DGCR8: variants seen among roughly 807,000 people sequenced by gnomAD.
DGCR8 encodes the protein DGCR8 microprocessor complex subunit.
Under a neutral mutation model 78.5 loss-of-function variants are expected in DGCR8, and 14 were observed. The ratio of observed to expected loss-of-function variants is 0.18; its 90% CI spans 0.12 to 0.28. The LOEUF (loss-of-function observed/expected upper bound fraction) is 0.28. DGCR8 is among the 10% of genes least tolerant of loss of function. The pLI, the probability that DGCR8 is intolerant of heterozygous loss-of-function variation, is 1.00. For synonymous variants in DGCR8, 399 were observed against 402.4 expected, an observed-to-expected ratio of 0.99 and a Z score of 0.10; for missense variants, 702 against 1,022.5, an observed-to-expected ratio of 0.69 and a Z score of 4.28.
Position 20,110,114 on chromosome 22 carries a change from GTGGCACGGGCCA to G in DGCR8, c.*7_*18del, listed in dbSNP as rs1242417957. On this transcript the variant is annotated 3_prime_UTR_variant, in exon 14 of 14. Transcript: ENST00000351989. Reference sequence around the variant, plus strand: ...TGTGCACCGTGGACGTGTGAGGGAGGTGGCACGGGCCAGGGCGCGGGGGCCGCCAGCCGCACT... The same window carrying G: ...TGTGCACCGTGGACGTGTGAGGGAGGGGGCGCGGGGGCCGCCAGCCGCACT... 1.2e-6 allele frequency: 2 copies of G among 1,607,742 alleles called. No individual in the cohort carries two copies. Among genetic ancestry groups the G allele is most frequent in the African/African-American group, 2.7e-5 (2 of 74,954 alleles).
At chr22:20,094,019 A>G (rs2147926003) in intron 8 of DGCR8, among the ~76,000 whole-genome samples, 2 of 152,298 alleles carry the variant, frequency 1.3e-5, no homozygotes, top group South Asian at 4.1e-4. Flanking sequence ...TTGACAGATA[A>G]CTTGCAGTGG....
chr22:20,107,261 C>G lies in DGCR8; in HGVS notation c.1997-10C>G. 1 of 1,614,136 alleles carries G rather than the reference C, an allele frequency of 6.2e-7. No individual in the cohort carries two copies. Among genetic ancestry groups the G allele is most frequent in the Non-Finnish European group, 8.5e-7 (1 of 1,180,008 alleles). On this transcript the variant is annotated splice_polypyrimidine_tract_variant and intron_variant, in intron 11 of 13. Coordinates refer to ENST00000351989, the MANE Select transcript of DGCR8 (RefSeq NM_022720.7). The stretch of plus-strand genomic sequence containing the variant: ...GACCCCCTCTCCATGCTTGCTCTTT[C>G]TCTGTGTAGGTAAGAACAAGAGAGT...
At chr22:20,102,132 T>C (rs2049710358) in intron 9 of DGCR8, 2 of 936,358 alleles carry the variant, frequency 2.1e-6, no homozygotes. Context: ...AATTCACTTT[T>C]TGGTACAGTA....
At chr22:20,107,514 C>A in intron 12 of DGCR8, 116 bp downstream of exon 12, 1 of 1,336,454 alleles carries the variant, frequency 7.5e-7, no homozygotes, top group Non-Finnish European at 1.0e-6. Flanking sequence ...CTCACAGCTG[C>A]CTCTCTCCTG....
chr22:20,108,797 G>A (rs1633443), intron 12 of DGCR8, 93 bp from the exon 13 acceptor site: 38 of 250,676 alleles, frequency 1.5e-4, no homozygotes, highest in East Asian at 3.1e-4. Context: ...GGGCGCGCCT[G>A]CCTTCAGGGT....
rs1212330950 is a variant in DGCR8 at position 20,087,208 on chromosome 22, G to A, written c.767G>A (p.Cys256Tyr). ...GATGCTCTGCTGGAAGAAGGCCTTT[G>A]TGCCCCCAAAAAGAGGCGAACAGAG... ...DVDALLEEGL[C>Y]APKKRRTEEK... The change falls in exon 3 of 14, where the codon TGT becomes TAT. Residue 256 changes from cysteine (C) to tyrosine (Y), a missense_variant. This residue lies in a region of DGCR8 where 356 missense variants were observed against 448.9 expected (regional missense o/e 0.79). Transcript: ENST00000351989. This position sits in a 1 kb window ranked among gnomAD's most constrained non-coding sequence, Gnocchi z 4.1. 1 of 1,613,814 alleles carries A rather than the reference G, an allele frequency of 6.2e-7. No individual in the cohort carries two copies. The highest frequency in any genetic ancestry group is 2.2e-5 in the East Asian group (1 of 44,868).
chr22:20,109,539 G>A (rs979913911), intron 13 of DGCR8, among the ~76,000 whole-genome samples: 8 of 152,304 alleles, frequency 5.3e-5, no homozygotes, highest in African/African-American at 1.7e-4. Flanking sequence ...ATCTGCTGCC[G>A]CCCAGGCCAG....
chr22:20,091,294 C>A, intron 5 of DGCR8, 141 bp from the exon 6 acceptor site: 1 of 772,206 alleles, frequency 1.3e-6, no homozygotes, highest in Non-Finnish European at 2.1e-6. Flanking sequence ...GGCCTTCATT[C>A]TTTGCTTCCC....
intron 1 of DGCR8, 200 bp downstream of exon 1, chr22:20,080,583 G>A (rs2049406410): frequency 4.1e-6 from 3 of 732,024 alleles, no homozygotes; most frequent in African/African-American, 1.9e-5. Flanking sequence ...CTGGGGGGCG[G>A]GCCCCGGGCC....
chr22:20,103,138 TAA>T (rs74748895), intron 9 of DGCR8, among the ~76,000 whole-genome samples: 8 of 142,068 alleles, frequency 5.6e-5, no homozygotes, highest in Admixed American at 7.0e-5. Flanking sequence ...AACCCCATCT[TAA>T]AAAAAAAAAA....
chr22:20,107,077 C>T (rs1293225254), intron 11 of DGCR8, 194 bp from the exon 12 acceptor site: 6 of 625,658 alleles, frequency 9.6e-6, no homozygotes, highest in Non-Finnish European at 1.7e-5. Flanking sequence ...ACTCTGAGGG[C>T]CACTCTCTCA....
intron 12 of DGCR8, chr22:20,107,962 C>G (rs1259998232): frequency 6.4e-6 from 1 of 155,824 alleles, no homozygotes; most frequent in Non-Finnish European, 1.4e-5. Context: ...TACAGAAACT[C>G]TCTGGGTTCT....
At position 20,086,193 on chromosome 22, in the gene DGCR8, A is replaced by G; in HGVS notation, c.230A>G (p.Lys77Arg). ...FNFYGASLLS[K>R]GSFSKGRLLI... ...TTCTACGGAGCTTCTCTTCTCTCCAAAGGATCCTTCTCTAAGGGCCGCCTC... is the reference window on the plus strand; with the variant it reads ...TTCTACGGAGCTTCTCTTCTCTCCAGAGGATCCTTCTCTAAGGGCCGCCTC... Residue 77 changes from lysine to arginine, a missense_variant, in exon 2 of 14, where the codon AAA (lysine) becomes AGA (arginine). Lys to Arg is a conservative substitution (Grantham distance 26). Transcript: ENST00000351989. The surrounding 1 kb of genome is among the most constrained non-coding windows in gnomAD (Gnocchi z 6.4). 3 of 1,614,072 alleles carry G rather than the reference A, an allele frequency of 1.9e-6. No individual in the cohort carries two copies. Among genetic ancestry groups the G allele is most frequent in the Non-Finnish European group, 1.7e-6 (2 of 1,180,008 alleles).
intron 12 of DGCR8, chr22:20,108,233 GT>G (rs2049792947): frequency 6.6e-6 from 1 of 152,488 alleles, no homozygotes; most frequent in South Asian, 2.1e-4. Flanking sequence ...TGGGAAGCAA[GT>G]TGAAATGTAG....
At chr22:20,095,653 A>G (rs573488954) in intron 9 of DGCR8, among the ~76,000 whole-genome samples, 12 of 152,248 alleles carry the variant, frequency 7.9e-5, no homozygotes, top group South Asian at 2.1e-4. Flanking sequence ...AGGGAAGACA[A>G]TTTTTCCACA....
At chr22:20,103,582 T>G (rs1460720243) in intron 9 of DGCR8, among the ~76,000 whole-genome samples, 1 of 152,194 alleles carries the variant, frequency 6.6e-6, no homozygotes, top group Non-Finnish European at 1.5e-5. Context: ...TTCCTTTTCA[T>G]GTGTTAATGG....
At chr22:20,103,772 A>G (rs992177614) in intron 9 of DGCR8, among the ~76,000 whole-genome samples, 2 of 152,198 alleles carry the variant, frequency 1.3e-5, no homozygotes, top group African/African-American at 4.8e-5. Context: ...CCTAATGGGA[A>G]AGTTTTAAAC....
chr22:20,081,017 C>G (rs2049412058), intron 1 of DGCR8, among the ~76,000 whole-genome samples: 1 of 152,220 alleles, frequency 6.6e-6, no homozygotes, highest in African/African-American at 2.4e-5. Flanking sequence ...AACCACCAGG[C>G]GAGGATCCAC....
intron 13 of DGCR8, 59 bp from the exon 14 acceptor site, chr22:20,109,966 T>C: frequency 6.5e-7 from 1 of 1,549,842 alleles, no homozygotes; most frequent in South Asian, 1.1e-5. Context: ...ACCTTGTGTC[T>C]TCCCGAGCCT....
Sources: allele counts gnomAD v4.1 joint callset (sites outside exome capture counted in the v4.1 genomes callset), GRCh38; gene constraint gnomAD v4.1.1; regional missense constraint gnomAD v4.1.1; non-coding constraint Gnocchi (gnomAD v3.1); transcripts MANE v1.5; gene names NCBI Gene and HGNC (gene_info 2026-07-23, HGNC 2026-07-21).